Variants in DIP2C observed in about 807,000 individuals in gnomAD.
DIP2C encodes the protein DIP2 acetate--CoA ligase C (putative).
DIP2C carries 33 observed loss-of-function variants against 192.4 expected under a neutral mutation model. The observed-to-expected ratio is 0.17, with a 90% CI of 0.13 to 0.23. DIP2C has a LOEUF of 0.23. Among genes scored for constraint, DIP2C ranks in the 10% least tolerant of loss-of-function variants. The pLI, the probability that DIP2C is intolerant of heterozygous loss-of-function variation, is 1.00. For missense variants in DIP2C, 1,537 were observed against 2,110.1 expected, an observed-to-expected ratio of 0.73 and a Z score of 5.32; for synonymous variants, 979 against 864.1, an observed-to-expected ratio of 1.13 and a Z score of -2.33.
intron 6 of DIP2C, among the ~76,000 whole-genome samples, chr10:416,669 TGATCAATGAAA>T (rs1334981253): frequency 4.6e-5 from 7 of 152,162 alleles, no homozygotes; most frequent in Non-Finnish European, 1.0e-4. Context: ...TCAACTGGTT[TGATCAATGAAA>T]GAGTCAAGGT....
In DIP2C at chr10:592,157, TAGGA is replaced by T. The variant is rs1359011666; in HGVS notation, c.85+97333_85+97336del. On this transcript the variant is annotated intron_variant, in intron 1 of 36. Transcript: ENST00000280886. ...CTGTATAATTGATATTTCTGCTAAT[TAGGA>T]AGCATATTAATATAAAGTGAATTCC... Among the ~76,000 whole-genome samples, 6 of 151,730 alleles carry T rather than the reference TAGGA, an allele frequency of 4.0e-5. No individual in the cohort carries two copies. The East Asian group carries it at 5.8e-4, about 15-fold the overall frequency.
chr10:414,216 A>C, intron 7 of DIP2C, 106 bp from the exon 8 acceptor site: 2 of 1,288,056 alleles, frequency 1.6e-6, no homozygotes, highest in Non-Finnish European at 2.1e-6. Flanking sequence ...TAAGCTGTAC[A>C]TTTATTAGCT....
intron 1 of DIP2C, among the ~76,000 whole-genome samples, chr10:513,101 G>A (rs374667345): frequency 6.6e-6 from 1 of 152,096 alleles, no homozygotes; most frequent in African/African-American, 2.4e-5. Flanking sequence ...AAAAGCACAT[G>A]CATTTTAAGA....
chr10:488,740 A>G (rs1282478038), intron 1 of DIP2C, among the ~76,000 whole-genome samples: 1 of 152,112 alleles, frequency 6.6e-6, no homozygotes, highest in East Asian at 1.9e-4. Flanking sequence ...CATAAATCAC[A>G]CGCTGTAGCT....
chr10:293,904 G>C lies in DIP2C; in HGVS notation c.3987-5483C>G, dbSNP rs1955614133. 2.0e-5 allele frequency among the ~76,000 whole-genome samples: 3 copies of C among 152,200 alleles called. No individual in the cohort carries two copies. The South Asian group carries it at 6.2e-4, about 32-fold the overall frequency. On this transcript the variant is annotated intron_variant, in intron 32 of 36. Transcript: ENST00000280886. ...GGCCACCACAAAAGGCTAAGGGGAA[G>C]AAGATCTGGATCAGGGAAGTCCAGA... is the stretch of plus-strand genomic sequence containing the variant.
intron 1 of DIP2C, among the ~76,000 whole-genome samples, chr10:661,014 G>T (rs1856725182): frequency 6.6e-6 from 1 of 152,224 alleles, no homozygotes; most frequent in Middle Eastern, 3.2e-3. Context: ...AAGAACACAA[G>T]TTTTGTAAGT....
At chr10:381,431 G>C (rs1962364756) in intron 17 of DIP2C, among the ~76,000 whole-genome samples, 1 of 152,142 alleles carries the variant, frequency 6.6e-6, no homozygotes, top group Non-Finnish European at 1.5e-5. Flanking sequence ...CCTTCGGTGT[G>C]TTGAGCCCAA....
intron 1 of DIP2C, among the ~76,000 whole-genome samples, chr10:602,420 C>A (rs1375213310): frequency 6.6e-6 from 1 of 152,222 alleles, no homozygotes; most frequent in Non-Finnish European, 1.5e-5. Context: ...CCCAAAACCT[C>A]ACGCACACTG....
chr10:618,298 A>T (rs1050204990), intron 1 of DIP2C, among the ~76,000 whole-genome samples: 2 of 152,256 alleles, frequency 1.3e-5, no homozygotes, highest in Non-Finnish European at 2.9e-5. Context: ...TGACCAAAGG[A>T]AAACTGGGTT....
intron 18 of DIP2C, among the ~76,000 whole-genome samples, chr10:367,035 G>A (rs1261071209): frequency 1.3e-5 from 2 of 152,188 alleles, no homozygotes; most frequent in Non-Finnish European, 2.9e-5. Context: ...AGTGACAGCT[G>A]AGCTGTTTAG....
chr10:277,953 C>T (rs901399709), intron 36 of DIP2C, among the ~76,000 whole-genome samples: 8 of 152,250 alleles, frequency 5.3e-5, no homozygotes, highest in Admixed American at 1.3e-4. Context: ...CCATCAGCCT[C>T]GTACCCTCAA....
intron 7 of DIP2C, 111 bp from the exon 8 acceptor site, chr10:414,221 T>C: frequency 7.9e-7 from 1 of 1,265,044 alleles, no homozygotes; most frequent in South Asian, 1.5e-5. Flanking sequence ...TGTACATTTA[T>C]TAGCTGACAG....
At chr10:479,196 G>C (rs1459704859) in intron 2 of DIP2C, among the ~76,000 whole-genome samples, 7 of 152,130 alleles carry the variant, frequency 4.6e-5, no homozygotes, top group African/African-American at 1.4e-4. Context: ...AAAGCAAACA[G>C]GACAACTGTT....
chr10:383,009 T>C (rs932249222), intron 16 of DIP2C, among the ~76,000 whole-genome samples: 8 of 152,220 alleles, frequency 5.3e-5, no homozygotes, highest in Admixed American at 2.6e-4. Flanking sequence ...CTTACTTTAG[T>C]AACTTTTCTG....
At chr10:549,647 T>G (rs984146267) in intron 1 of DIP2C, among the ~76,000 whole-genome samples, 7 of 151,834 alleles carry the variant, frequency 4.6e-5, no homozygotes, top group Non-Finnish European at 1.5e-5. Flanking sequence ...TGCCGGGGGC[T>G]TCAGAGCGGA....
In DIP2C at chr10:666,023, AG is replaced by A. The variant is rs1022007785; in HGVS notation, c.85+23470del. Reference sequence around the variant, plus strand: ...TCTCAGCGCTGGCCGTCACCAACGCAGGCCGGCAGCACCCTGGAAAGGCCCA... The same window carrying A: ...TCTCAGCGCTGGCCGTCACCAACGCAGCCGGCAGCACCCTGGAAAGGCCCA... On this transcript the variant is annotated intron_variant, in intron 1 of 36. Coordinates refer to ENST00000280886, the MANE Select transcript of DIP2C (RefSeq NM_014974.3). The surrounding 1 kb of genome is among the most constrained non-coding windows in gnomAD (Gnocchi z 4.1). 4 of 152,176 alleles carry A rather than the reference AG, an allele frequency of 2.6e-5. No individual in the cohort carries two copies. Among genetic ancestry groups the A allele is most frequent in the African/African-American group, 9.7e-5 (4 of 41,428 alleles). 9.4% of individuals were successfully genotyped at this position (152,176 alleles called of 1,614,324 possible).
At chr10:445,643 G>C (rs531371023) in intron 3 of DIP2C, among the ~76,000 whole-genome samples, 1 of 113,568 alleles carries the variant, frequency 8.8e-6, no homozygotes, top group Non-Finnish European at 1.6e-5. Flanking sequence ...TCTTGCACTG[G>C]GCATCTGTAT....
chr10:581,923 A>G (rs1402258263), intron 1 of DIP2C, among the ~76,000 whole-genome samples: 3 of 151,902 alleles, frequency 2.0e-5, no homozygotes, highest in African/African-American at 4.8e-5. Flanking sequence ...GTGGACGACA[A>G]TTTTTCTGGG....
intron 1 of DIP2C, among the ~76,000 whole-genome samples, chr10:570,999 C>G (rs894933135): frequency 1.3e-5 from 2 of 152,240 alleles, no homozygotes; most frequent in African/African-American, 4.8e-5. Context: ...GCCCCGCAGG[C>G]TTCCCAGCGC....
Sources: allele counts gnomAD v4.1 joint callset (sites outside exome capture counted in the v4.1 genomes callset), GRCh38; gene constraint gnomAD v4.1.1; non-coding constraint Gnocchi (gnomAD v3.1); transcripts MANE v1.5; gene names NCBI Gene and HGNC (gene_info 2026-07-23, HGNC 2026-07-21).